The following C3orf20 variants were observed in gnomAD, a reference collection of about 807,000 sequenced individuals.
The protein encoded by C3orf20 is uncharacterized protein C3orf20.
A neutral mutation model predicts 88.3 loss-of-function variants in C3orf20; 76 were observed. The ratio of observed to expected loss-of-function variants is 0.86; its 90% CI spans 0.72 to 1.04. C3orf20 has a LOEUF of 1.04. Ranked by LOEUF, C3orf20 falls within the 50% of genes least tolerant of loss-of-function variation. The pLI is 0.00. For missense variants in C3orf20, 1,056 were observed against 1,123.3 expected (o/e 0.94, Z 0.86); for synonymous variants, 436 against 437.4 (o/e 1.00, Z 0.04).
chr3:14,758,939 C>T (rs1318913710), intron 13 of C3orf20, among the ~76,000 whole-genome samples: 2 of 152,254 alleles, frequency 1.3e-5, no homozygotes, highest in Non-Finnish European at 2.9e-5. Context: ...CATGTAGAGA[C>T]AGATAAAATC....
At chr3:14,762,019 A>G (rs1477645611) in intron 15 of C3orf20, among the ~76,000 whole-genome samples, 8 of 152,184 alleles carry the variant, frequency 5.3e-5, no homozygotes, top group Middle Eastern at 3.2e-3. Context: ...TCTCTGTCCC[A>G]CCACACCCTA....
intron 3 of C3orf20, among the ~76,000 whole-genome samples, chr3:14,683,891 A>C (rs2032248524): frequency 6.6e-6 from 1 of 151,702 alleles, no homozygotes; most frequent in South Asian, 2.1e-4. Flanking sequence ...AAAAAAAAAA[A>C]AAAAGAACCG....
rs573000217 is a variant in C3orf20, at chr3:14,688,912, G to T, written c.626-1085G>T. 3.5e-4 allele frequency among the ~76,000 whole-genome samples: 54 copies of T among 152,206 alleles called. 1 individual carries two copies. The South Asian group carries it at 4.4e-3, about 12-fold the overall frequency. On this transcript the variant is annotated intron_variant, in intron 4 of 16. Transcript: ENST00000253697. ...TTTAAATAATTGTCATTTTGAGTGG[G>T]CATAGACTCCTTGTAATGTTCATGT...
chr3:14,711,708 T>C, intron 7 of C3orf20, among the ~76,000 whole-genome samples: 1 of 144,202 alleles, frequency 6.9e-6, no homozygotes, highest in East Asian at 2.2e-4. Context: ...CAATCTTGGC[T>C]CGTTGCAACC....
At chr3:14,678,024 T>C (rs560301241) in intron 1 of C3orf20, among the ~76,000 whole-genome samples, 2 of 150,734 alleles carry the variant, frequency 1.3e-5, no homozygotes, top group East Asian at 3.9e-4. Flanking sequence ...TCCTCTCACC[T>C]GGTCCTACCC....
At chr3:14,693,828 T>C (rs1348730244) in intron 5 of C3orf20, among the ~76,000 whole-genome samples, 1 of 152,228 alleles carries the variant, frequency 6.6e-6, no homozygotes, top group Non-Finnish European at 1.5e-5. Flanking sequence ...GGTATGAATC[T>C]GTCATATATG....
intron 15 of C3orf20, among the ~76,000 whole-genome samples, chr3:14,769,137 G>A (rs955434977): frequency 2.0e-5 from 3 of 152,106 alleles, no homozygotes; most frequent in African/African-American, 7.3e-5. Flanking sequence ...CACTTGCAGG[G>A]CAAATTCATA....
At chr3:14,688,541 A>AAG (rs1553609756) in intron 4 of C3orf20, among the ~76,000 whole-genome samples, 2 of 150,986 alleles carry the variant, frequency 1.3e-5, no homozygotes, top group Non-Finnish European at 1.5e-5. Flanking sequence ...AAAAAAAAAA[A>AAG]AAAAAGAAAA....
intron 10 of C3orf20, among the ~76,000 whole-genome samples, chr3:14,724,795 CATT>C (rs2034291151): frequency 6.6e-6 from 1 of 152,108 alleles, no homozygotes; most frequent in African/African-American, 2.4e-5. Flanking sequence ...ATGTAGCTCA[CATT>C]ATATTTCTAG....
At chr3:14,736,759 G>A (rs1313110039) in intron 12 of C3orf20, among the ~76,000 whole-genome samples, 1 of 149,718 alleles carries the variant, frequency 6.7e-6, no homozygotes, top group East Asian at 2.0e-4. Flanking sequence ...TAGACATGGG[G>A]CTTCACCATG....
chr3:14,762,430 C>T (rs546596757), intron 15 of C3orf20, among the ~76,000 whole-genome samples: 70 of 152,284 alleles, frequency 4.6e-4, no homozygotes, highest in African/African-American at 1.4e-3. Context: ...CTGCATGAAG[C>T]GCCTGAAGAC....
chr3:14,742,579 T>C (rs2034935780), intron 12 of C3orf20, among the ~76,000 whole-genome samples: 1 of 152,230 alleles, frequency 6.6e-6, no homozygotes, highest in African/African-American at 2.4e-5. Context: ...TTATGAGAAT[T>C]GGCCTCTTTA....
chr3:14,756,890 C>T (rs1426080357), intron 12 of C3orf20, among the ~76,000 whole-genome samples: 1 of 152,190 alleles, frequency 6.6e-6, no homozygotes, highest in Non-Finnish European at 1.5e-5. Context: ...TAGGTTTTAA[C>T]AGGATCCCTT....
chr3:14,741,635 T>C (rs1286309581), intron 12 of C3orf20, among the ~76,000 whole-genome samples: 2 of 152,192 alleles, frequency 1.3e-5, no homozygotes, highest in African/African-American at 4.8e-5. Context: ...GATTCTTGGC[T>C]TTGCCCAGAA....
rs762503452 is a variant in C3orf20 at position 14,683,089 on chromosome 3, C to G, written c.376C>G (p.Gln126Glu). 4.8e-5 allele frequency: 77 copies of G among 1,613,430 alleles called. No homozygotes were observed. Among genetic ancestry groups the G allele is most frequent in the Non-Finnish European group, 5.8e-5 (69 of 1,179,774 alleles). Reference protein sequence around the residue: ...RSTLSPTMARQVRTHQETLNR... With the variant: ...RSTLSPTMAREVRTHQETLNR... ...CACCCTCTCTCCCACCATGGCCCGT[C>G]AGGTGCGCACCCACCAGGAGACCCT... Residue 126 changes from glutamine to glutamate, a missense_variant, in exon 3 of 17, where the codon CAG becomes GAG. Transcript: ENST00000253697.
At chr3:14,724,411 A>C (rs1209921652) in intron 10 of C3orf20, among the ~76,000 whole-genome samples, 1 of 152,132 alleles carries the variant, frequency 6.6e-6, no homozygotes, top group Non-Finnish European at 1.5e-5. Flanking sequence ...TGTGTACCCA[A>C]CAAGCCCCTT....
At chr3:14,719,237 G>A (rs1217345831) in intron 9 of C3orf20, among the ~76,000 whole-genome samples, 2 of 151,856 alleles carry the variant, frequency 1.3e-5, no homozygotes, top group Non-Finnish European at 2.9e-5. Flanking sequence ...TGATTTTTAA[G>A]CTGAGGGCTG....
intron 1 of C3orf20, among the ~76,000 whole-genome samples, chr3:14,681,676 G>T (rs1035925741): frequency 6.6e-6 from 1 of 152,170 alleles, no homozygotes; most frequent in Non-Finnish European, 1.5e-5. Context: ...TTTTTGTGTA[G>T]CATAAGATGT....
intron 11 of C3orf20, 58 bp downstream of exon 11, chr3:14,727,082 T>C: frequency 6.3e-7 from 1 of 1,592,960 alleles, no homozygotes; most frequent in Non-Finnish European, 8.6e-7. Flanking sequence ...GTCCTGAGAT[T>C]CTGGCAGGTC....
Sources: gnomAD v4.1 joint callset for allele counts (sites outside exome capture counted in the v4.1 genomes callset) on GRCh38, gnomAD v4.1.1 for gene constraint, MANE v1.5 for transcripts, NCBI Gene and HGNC (gene_info 2026-07-23, HGNC 2026-07-21) for gene names.